Variants in RBFOX3 observed in about 807,000 individuals in gnomAD.
RBFOX3 encodes RNA binding protein fox-1 homolog 3.
Under a neutral mutation model 48.7 loss-of-function variants are expected in RBFOX3, and 17 were observed. The observed-to-expected ratio is 0.35, with a 90% CI of 0.24 to 0.52. The LOEUF (loss-of-function observed/expected upper bound fraction) is 0.52. RBFOX3 is among the 20% of genes least tolerant of loss of function. RBFOX3 has a pLI of 0.94. For missense variants in RBFOX3, 382 were observed against 497.5 expected, an observed-to-expected ratio of 0.77 and a Z score of 2.21; for synonymous variants, 212 against 209.5, an observed-to-expected ratio of 1.01 and a Z score of -0.10.
intron 2 of RBFOX3, among the ~76,000 whole-genome samples, chr17:79,474,936 G>A (rs2077515630): frequency 6.6e-6 from 1 of 152,012 alleles, no homozygotes; most frequent in Admixed American, 6.6e-5. Context: ...CACCTCAAGA[G>A]CCCCCTGGAG....
In RBFOX3 at chr17:79,211,632, G is replaced by T. The variant is rs78039663; in HGVS notation, c.-34+24134C>A. On this transcript the variant is annotated intron_variant, in intron 4 of 14. Coordinates refer to ENST00000693108, the MANE Select transcript of RBFOX3 (RefSeq NM_001350451.2). ...CTCCTTCCCACGCTCAGACTCCGGGGGGCTGGACAGACAGGGAGGCAGCTG... is the reference window on the plus strand; with the variant it reads ...CTCCTTCCCACGCTCAGACTCCGGGTGGCTGGACAGACAGGGAGGCAGCTG... Among the ~76,000 whole-genome samples, 1,259 of 152,228 alleles carry T rather than the reference G, an allele frequency of 8.3e-3. 16 individuals carry two copies. The highest frequency in any genetic ancestry group is 0.027 in the African/African-American group (1,140 of 41,538).
intron 2 of RBFOX3, among the ~76,000 whole-genome samples, chr17:79,412,683 GTA>G (rs767796231): frequency 1.3e-4 from 19 of 151,490 alleles, no homozygotes; most frequent in African/African-American, 1.7e-4. Context: ...TGGTATATGT[GTA>G]TATGTGTGTA....
chr17:79,414,875 G>A (rs916605297), intron 2 of RBFOX3, among the ~76,000 whole-genome samples: 2 of 152,260 alleles, frequency 1.3e-5, no homozygotes, highest in African/African-American at 4.8e-5. Flanking sequence ...CCCTGGCAGT[G>A]GGTCTGGGAC....
chr17:79,489,238 G>GT (rs1420367043), intron 1 of RBFOX3, among the ~76,000 whole-genome samples: 7 of 33,626 alleles, frequency 2.1e-4, no homozygotes, highest in African/African-American at 7.1e-4. Context: ...CTGCCAGAAA[G>GT]TTAAAAAAAA....
chr17:79,416,746 C>T (rs2065436500), intron 2 of RBFOX3, among the ~76,000 whole-genome samples: 1 of 152,248 alleles, frequency 6.6e-6, no homozygotes, highest in African/African-American at 2.4e-5. Flanking sequence ...CGATTGCTGA[C>T]CCCTTGGTAC....
intron 5 of RBFOX3, among the ~76,000 whole-genome samples, chr17:79,112,361 G>A (rs938185217): frequency 3.3e-5 from 5 of 152,178 alleles, no homozygotes; most frequent in African/African-American, 4.8e-5. Context: ...GAGGTGTCGG[G>A]AAAGGCCCTG....
At chr17:79,144,688 C>T (rs755482786) in intron 4 of RBFOX3, among the ~76,000 whole-genome samples, 4 of 152,186 alleles carry the variant, frequency 2.6e-5, no homozygotes, top group Admixed American at 6.5e-5. Context: ...CCCCGAACGC[C>T]GAGTGCCTCC....
At chr17:79,213,327 G>A (rs915904736) in intron 4 of RBFOX3, among the ~76,000 whole-genome samples, 1 of 152,224 alleles carries the variant, frequency 6.6e-6, no homozygotes, top group African/African-American at 2.4e-5. Context: ...CGGCGGGGGG[G>A]CACCTGGATC....
intron 11 of RBFOX3, 35 bp from the exon 12 acceptor site, chr17:79,096,868 TG>T: frequency 1.6e-6 from 1 of 640,690 alleles, no homozygotes; most frequent in Non-Finnish European, 2.8e-6. Flanking sequence ...ACACCCTTGC[TG>T]ATCAGCAACT....
At position 79,498,888 on chromosome 17, in the gene RBFOX3, CCAT is replaced by C. The variant is rs1555776048; in HGVS notation, c.-319-16293_-319-16291del. The stretch of plus-strand genomic sequence containing the variant: ...TTCGCTCATCCATCCATCCATCCAT[CCAT>C]CCATCCATCCATCCATATGGCTACC... On this transcript the variant is annotated intron_variant, in intron 1 of 14. Coordinates refer to ENST00000693108, the MANE Select transcript of RBFOX3 (RefSeq NM_001350451.2). Among the ~76,000 whole-genome samples, 98 of 149,748 alleles carry C rather than the reference CCAT, an allele frequency of 6.5e-4. 1 individual carries two copies. The highest frequency in any genetic ancestry group is 7.1e-4 in the Non-Finnish European group (48 of 67,214).
chr17:79,435,804 C>T (rs1373602951), intron 2 of RBFOX3, among the ~76,000 whole-genome samples: 5 of 152,224 alleles, frequency 3.3e-5, no homozygotes, highest in Non-Finnish European at 4.4e-5. Context: ...AACAGCCTTC[C>T]AGTCCCCGAT....
intron 2 of RBFOX3, among the ~76,000 whole-genome samples, chr17:79,353,770 G>A (rs1409775429): frequency 6.6e-6 from 1 of 152,124 alleles, no homozygotes; most frequent in Non-Finnish European, 1.5e-5. Flanking sequence ...GGCTGAAGGT[G>A]GAGATCAAGC....
chr17:79,373,902 AG>A (rs2058884230), intron 2 of RBFOX3, among the ~76,000 whole-genome samples: 1 of 151,872 alleles, frequency 6.6e-6, no homozygotes, highest in Non-Finnish European at 1.5e-5. Flanking sequence ...CTTGTCGCCC[AG>A]GCTGGTGTGC....
At chr17:79,624,350 G>T in the RBFOX3 span, among the ~76,000 whole-genome samples, 7,346 of 151,988 alleles carry the variant, frequency 0.048, 588 homozygotes, top group African/African-American at 0.17. Flanking sequence ...CTGCAGGGGA[G>T]GCTGGGGAAG....
At position 79,421,536 on chromosome 17, in the gene RBFOX3, G is replaced by A. The variant is rs2066379122; in HGVS notation, c.-175+60918C>T. Among the ~76,000 whole-genome samples the A allele has an allele frequency of 6.6e-6, 1 of 152,118 alleles. No individual in the cohort carries two copies. The highest frequency in any genetic ancestry group is 2.1e-4 in the South Asian group (1 of 4,828). On this transcript the variant is annotated intron_variant, in intron 2 of 14. Transcript: ENST00000693108. This position sits in a 1 kb window ranked among gnomAD's most constrained non-coding sequence, Gnocchi z 4.5. ...AGGGACAGGGCCCAGGGCCTCACCT[G>A]GACAGGAGGCGAGGCTCAAATGACC...
intron 4 of RBFOX3, among the ~76,000 whole-genome samples, chr17:79,131,074 C>T (rs764905424): frequency 2.7e-4 from 41 of 150,622 alleles, no homozygotes; most frequent in African/African-American, 4.4e-4. Flanking sequence ...CCATGTGCTG[C>T]GTGTCCCGTG....
chr17:79,348,357 T>C (rs1305411132), intron 2 of RBFOX3, among the ~76,000 whole-genome samples: 1 of 152,058 alleles, frequency 6.6e-6, no homozygotes, highest in Non-Finnish European at 1.5e-5. Context: ...ACATCAAACA[T>C]TCCCCTTCAC....
intron 3 of RBFOX3, among the ~76,000 whole-genome samples, chr17:79,290,778 G>A (rs1278668816): frequency 6.6e-6 from 1 of 152,214 alleles, no homozygotes; most frequent in Admixed American, 6.5e-5. Flanking sequence ...TCTCCTCTGG[G>A]TTTGCTGACT....
intron 3 of RBFOX3, among the ~76,000 whole-genome samples, chr17:79,246,776 C>T (rs947847921): frequency 3.3e-5 from 5 of 152,148 alleles, no homozygotes; most frequent in African/African-American, 4.8e-5. Flanking sequence ...GTGGCTGGAC[C>T]GAGGACGCGG....
Sources: gnomAD v4.1 joint callset for allele counts (sites outside exome capture counted in the v4.1 genomes callset) on GRCh38, gnomAD v4.1.1 for gene constraint, Gnocchi (gnomAD v3.1) non-coding constraint, MANE v1.5 for transcripts, NCBI Gene and HGNC (gene_info 2026-07-23, HGNC 2026-07-21) for gene names.